KIAA1549L: variants seen among roughly 807,000 people sequenced by gnomAD.
The protein encoded by KIAA1549L is KIAA1549 like, also known as UPF0606 protein KIAA1549L.
Under a neutral mutation model 160.7 loss-of-function variants are expected in KIAA1549L, and 88 were observed. The ratio of observed to expected loss-of-function variants is 0.55; its 90% confidence interval spans 0.46 to 0.65. KIAA1549L has a LOEUF of 0.65. Among genes scored for constraint, KIAA1549L ranks in the 30% least tolerant of loss-of-function variants. The pLI is 0.00. For synonymous variants in KIAA1549L, 950 were observed against 976.7 expected (o/e 0.97, Z 0.51); for missense variants, 2,258 against 2,437.5 (o/e 0.93, Z 1.55).
intron 1 of KIAA1549L, among the ~76,000 whole-genome samples, chr11:33,399,722 C>T (rs1464338240): frequency 6.6e-6 from 1 of 152,190 alleles, no homozygotes; most frequent in Non-Finnish European, 1.5e-5. Flanking sequence ...TCACCTGTGC[C>T]TACCTTGGGC....
intron 12 of KIAA1549L, among the ~76,000 whole-genome samples, chr11:33,596,010 C>A (rs1420086745): frequency 6.6e-6 from 1 of 151,978 alleles, no homozygotes; most frequent in East Asian, 1.9e-4. Context: ...GAGAATCAAC[C>A]GTTTACAGCT....
chr11:33,631,514 C>T (rs1373300024), intron 16 of KIAA1549L, among the ~76,000 whole-genome samples: 1 of 152,146 alleles, frequency 6.6e-6, no homozygotes, highest in Non-Finnish European at 1.5e-5. Context: ...TAGCAGCATC[C>T]GTGGTCTCTA....
At chr11:33,567,615 G>C (rs982946874) in intron 8 of KIAA1549L, among the ~76,000 whole-genome samples, 1 of 152,236 alleles carries the variant, frequency 6.6e-6, no homozygotes, top group Non-Finnish European at 1.5e-5. Context: ...AAATAAAATA[G>C]GAATAGCCCT....
Position 33,530,903 on chromosome 11 carries a change from G to C in KIAA1549L, c.239-10899G>C, listed in dbSNP as rs117333420. Among the ~76,000 whole-genome samples, 17 of 152,294 alleles carry C rather than the reference G, an allele frequency of 1.1e-4. No homozygotes were observed. In the East Asian group the frequency reaches 3.3e-3, roughly 29 times the overall value. ...AAAATGATTTTGTTATGTTAAAAGA[G>C]AAAAGGCAGTGCGAAGTTGGATGTG... On this transcript the variant is annotated intron_variant, in intron 1 of 20. Coordinates refer to ENST00000658780, the MANE Select transcript of KIAA1549L (RefSeq NM_012194.3).
chr11:33,479,413 G>A (rs1227998746), intron 1 of KIAA1549L, among the ~76,000 whole-genome samples: 2 of 152,232 alleles, frequency 1.3e-5, no homozygotes, highest in Non-Finnish European at 2.9e-5. Flanking sequence ...GGACATCCAA[G>A]TTAGAAGAGG....
chr11:33,433,279 C>T (rs573900108), intron 1 of KIAA1549L, among the ~76,000 whole-genome samples: 1 of 152,194 alleles, frequency 6.6e-6, no homozygotes, highest in Admixed American at 6.5e-5. Flanking sequence ...AAAAAGTGGG[C>T]AAAGGATATG....
At chr11:33,531,013 T>C (rs1853756937) in intron 1 of KIAA1549L, among the ~76,000 whole-genome samples, 1 of 152,126 alleles carries the variant, frequency 6.6e-6, no homozygotes, top group Non-Finnish European at 1.5e-5. Context: ...ACAGTATGAG[T>C]CATGGTTTTC....
chr11:33,579,945 G>GGACTTTGAATAGAGAGTCTTTGAATA (rs2133259974), intron 10 of KIAA1549L, among the ~76,000 whole-genome samples: 1 of 152,342 alleles, frequency 6.6e-6, no homozygotes, highest in Admixed American at 6.5e-5. Context: ...TCTGAGGTCA[G>GGACTTTGAATAGAGAGTCTTTGAATA]GACTTTGAAT....
chr11:33,618,627 C>T lies in KIAA1549L; in HGVS notation c.5374C>T (p.Arg1792Ter), dbSNP rs1395121822. ...TEMDLLVTRE[R>*]PRRGIRNSGY... ...GATGGACCTTCTGGTGACTCGGGAG[C>T]GACCCCGGCGTGGAATCCGCAACAG... Residue 1792 changes from arginine (R) to a stop codon, truncating the protein, a stop_gained, in exon 16 of 21, where the codon CGA becomes TGA. Transcript: ENST00000658780. LOFTEE classifies it high-confidence loss of function. 3.1e-6 allele frequency: 5 copies of T among 1,601,862 alleles called. No individual in the cohort carries two copies. The highest frequency in any genetic ancestry group is 1.3e-5 in the African/African-American group (1 of 74,680).
intron 1 of KIAA1549L, among the ~76,000 whole-genome samples, chr11:33,512,424 AATT>A (rs1203025794): frequency 2.0e-5 from 3 of 152,126 alleles, no homozygotes; most frequent in Non-Finnish European, 4.4e-5. Context: ...TGTTCCAGGT[AATT>A]ATTATTATTT....
chr11:33,381,372 G>T (rs1850070811), intron 1 of KIAA1549L, among the ~76,000 whole-genome samples: 1 of 152,182 alleles, frequency 6.6e-6, no homozygotes, highest in Non-Finnish European at 1.5e-5. Context: ...GCCTTGAGTA[G>T]ACCTGACAGT....
intron 1 of KIAA1549L, among the ~76,000 whole-genome samples, chr11:33,386,414 C>T (rs56232168): frequency 0.034 from 5,174 of 152,242 alleles, 275 homozygotes; most frequent in African/African-American, 0.12. Flanking sequence ...GATGTGGTGG[C>T]TCATGCCTGT....
intron 11 of KIAA1549L, among the ~76,000 whole-genome samples, chr11:33,584,558 T>C (rs928674423): frequency 3.3e-5 from 5 of 152,262 alleles, no homozygotes; most frequent in Admixed American, 6.5e-5. Context: ...GAGGGAAATA[T>C]ACTAACTGTC....
In KIAA1549L at chr11:33,630,981, A is replaced by T. The variant is rs984699507; in HGVS notation, c.5409+12319A>T. On this transcript the variant is annotated intron_variant, in intron 16 of 20. Transcript: ENST00000658780. ...TGCATGGCCAGGTAATTACTAGTGGAGGAGAGAGGTGGAGGCACGTGCAAC... is the reference window on the plus strand; with the variant it reads ...TGCATGGCCAGGTAATTACTAGTGGTGGAGAGAGGTGGAGGCACGTGCAAC... 4.6e-5 allele frequency among the ~76,000 whole-genome samples: 7 copies of T among 152,262 alleles called. No individual in the cohort carries two copies. In the East Asian group the frequency reaches 1.4e-3, roughly 29 times the overall value.
chr11:33,598,711 A>G (rs1850274626), intron 12 of KIAA1549L, 109 bp from the exon 13 acceptor site: 2 of 1,301,918 alleles, frequency 1.5e-6, no homozygotes, highest in Admixed American at 4.4e-5. Context: ...TTGTCCATTA[A>G]ACTGGAATGA....
chr11:33,549,472 A>G (rs888048036), intron 4 of KIAA1549L, among the ~76,000 whole-genome samples: 3 of 152,198 alleles, frequency 2.0e-5, no homozygotes, highest in African/African-American at 4.8e-5. Flanking sequence ...AAAGGGAACA[A>G]CTTTCTCACT....
intron 17 of KIAA1549L, among the ~76,000 whole-genome samples, chr11:33,654,390 A>T (rs1392163212): frequency 1.3e-5 from 2 of 152,066 alleles, no homozygotes; most frequent in Non-Finnish European, 2.9e-5. Flanking sequence ...ACTCTTTTTA[A>T]CTTCACTTTT....
chr11:33,637,049 G>C (rs543942235), intron 16 of KIAA1549L, among the ~76,000 whole-genome samples: 49 of 152,248 alleles, frequency 3.2e-4, no homozygotes, highest in African/African-American at 1.2e-3. Context: ...TTGCCCCAGG[G>C]GAAGAGCTTT....
chr11:33,630,954 C>T (rs975512955), intron 16 of KIAA1549L, among the ~76,000 whole-genome samples: 1 of 152,174 alleles, frequency 6.6e-6, no homozygotes, highest in Non-Finnish European at 1.5e-5. Context: ...TATTAATTTT[C>T]GTGCATGGCC....
Sources: gnomAD v4.1 joint callset for allele counts (sites outside exome capture counted in the v4.1 genomes callset) on GRCh38, gnomAD v4.1.1 for gene constraint, MANE v1.5 for transcripts, NCBI Gene and HGNC (gene_info 2026-07-23, HGNC 2026-07-21) for gene names.